Variants in TPRG1L observed in about 807,000 individuals in gnomAD.
TPRG1L encodes tumor protein p63 regulated 1 like, also known as tumor protein p63-regulated gene 1-like protein.
In TPRG1L, 25 loss-of-function variants were observed where a neutral mutation model predicts 29.4. The ratio of observed to expected loss-of-function variants is 0.85; its 90% CI spans 0.62 to 1.19. TPRG1L has a LOEUF of 1.19. TPRG1L is among the 50% of genes most tolerant of loss of function. TPRG1L has a pLI of 0.00. For synonymous variants in TPRG1L, 182 were observed against 151.1 expected, an observed-to-expected ratio of 1.20 and a Z score of -1.50; for missense variants, 354 against 364.4, an observed-to-expected ratio of 0.97 and a Z score of 0.23.
chr1:3,628,056 C>T (rs72855483), intron 4 of TPRG1L, among the ~76,000 whole-genome samples: 11,335 of 152,258 alleles, frequency 0.074, 1,411 homozygotes, highest in African/African-American at 0.25. Context: ...AGCCCAGAGC[C>T]TGGCGGGGGT....
At position 3,625,272 on chromosome 1, in the gene TPRG1L, G is replaced by A; in HGVS notation, c.200G>A (p.Arg67Gln). Residue 67 changes from arginine to glutamine, a missense_variant and splice_region_variant, in exon 1 of 5, where the codon CGG becomes CAG. Transcript: ENST00000378344. Reference sequence around the variant, plus strand: ...CGCGTCAAGGAGTACTTCGTGTTCCGGGTGAGGCAGGGGCCAGGGCCGGGG... The same window carrying A: ...CGCGTCAAGGAGTACTTCGTGTTCCAGGTGAGGCAGGGGCCAGGGCCGGGG... ...RARVKEYFVF[R>Q]PGSIEQAVEE... 7.2e-7 allele frequency: 1 copy of A among 1,395,912 alleles called. No homozygotes were observed. Among genetic ancestry groups the A allele is most frequent in the Non-Finnish European group, 9.2e-7 (1 of 1,083,764 alleles). 86.5% of individuals were successfully genotyped at this position (1,395,912 alleles called of 1,614,324 possible).
chr1:3,628,308 A>G lies in TPRG1L; in HGVS notation c.625-101A>G, dbSNP rs1036184865. On this transcript the variant is annotated intron_variant, in intron 4 of 4. Transcript: ENST00000378344. The stretch of plus-strand genomic sequence containing the variant: ...GTGAAGGGACGAAGAGATAGGCGGC[A>G]TTTGGAGGGATTTAAGTGTCTCAGA... 9 of 1,046,688 alleles carry G rather than the reference A, an allele frequency of 8.6e-6. No homozygotes were observed. In the East Asian group the frequency reaches 2.0e-4, roughly 23 times the overall value. The allele number at this position is 1,046,688 out of a possible 1,614,324, so 64.8% of individuals were successfully genotyped here.
In TPRG1L at chr1:3,625,070, G is replaced by T; in HGVS notation, c.-3G>T. 1 of 1,209,600 alleles carries T rather than the reference G, an allele frequency of 8.3e-7. No individual in the cohort carries two copies. The allele number at this position is 1,209,600 out of a possible 1,614,324, so 74.9% of individuals were successfully genotyped here. ...AGGGTCGGGGTCGGTAAGGGGTGCG[G>T]CAATGCTGCAACTGCGGGACTCGGT... On this transcript the variant is annotated 5_prime_UTR_variant, in exon 1 of 5. Transcript: ENST00000378344.
At chr1:3,628,304 C>G (rs16823926) in intron 4 of TPRG1L, 105 bp from the exon 5 acceptor site, 1 of 978,892 alleles carries the variant, frequency 1.0e-6, no homozygotes, top group African/African-American at 1.6e-5. Flanking sequence ...AAGAGATAGG[C>G]GGCATTTGGA....
chr1:3,625,709 A>T lies in TPRG1L; in HGVS notation c.294-4A>T, dbSNP rs1193804276. The stretch of plus-strand genomic sequence containing the variant: ...GTGGACTGAGGCCCCTCCTCTGCCT[A>T]CAGGGTGGATCACTGGAACAATGAG... On this transcript the variant is annotated splice_polypyrimidine_tract_variant and splice_region_variant and intron_variant, in intron 2 of 4. Coordinates refer to ENST00000378344, the MANE Select transcript of TPRG1L (RefSeq NM_182752.4). The T allele has an allele frequency of 1.2e-6, 2 of 1,610,704 alleles. No homozygotes were observed. The highest frequency in any genetic ancestry group is 8.5e-7 in the Non-Finnish European group (1 of 1,178,356).
rs1644506073 is a variant in TPRG1L, at chr1:3,628,702, C to T, written c.*99C>T. The T allele has an allele frequency of 3.4e-6, 4 of 1,162,686 alleles. No individual in the cohort carries two copies. The highest frequency in any genetic ancestry group is 4.8e-6 in the Non-Finnish European group (4 of 826,366). The allele number at this position is 1,162,686 out of a possible 1,614,324, so 72.0% of individuals were successfully genotyped here. A position where few individuals can be genotyped will look rare whatever the true frequency, so the allele number is the denominator to read the frequency against. On this transcript the variant is annotated 3_prime_UTR_variant, in exon 5 of 5. Transcript: ENST00000378344. ...CTGGGGGACTGGGAGGCCTGGCAGT[C>T]TTCATGCTGCCCTGCTGCTGCTGGA...
At chr1:3,627,956 G>C (rs1644501148) in intron 4 of TPRG1L, among the ~76,000 whole-genome samples, 1 of 152,246 alleles carries the variant, frequency 6.6e-6, no homozygotes, top group Non-Finnish European at 1.5e-5. Context: ...GGGCTTCAGA[G>C]AGTGGCAGCA....
chr1:3,625,344 G>T (rs1644476008), intron 1 of TPRG1L, 71 bp downstream of exon 1: 2 of 1,533,462 alleles, frequency 1.3e-6, no homozygotes, highest in Admixed American at 4.0e-5. Context: ...GGGGTCGGAG[G>T]CGGGCGCCGG....
rs1341046694 is a variant in TPRG1L, at chr1:3,628,802, A to G, written c.*199A>G. 2.0e-6 allele frequency: 1 copy of G among 506,514 alleles called. No individual in the cohort carries two copies. Among genetic ancestry groups the G allele is most frequent in the African/African-American group, 1.9e-5 (1 of 52,342 alleles). 31.4% of individuals were successfully genotyped at this position (506,514 alleles called of 1,614,324 possible). A position where few individuals can be genotyped will look rare whatever the true frequency, so the allele number is the denominator to read the frequency against. ...AAGTGAATTCTATCTATTTAATTGGATATTGGACTCTGCTCATATAAGCTA... is the reference window on the plus strand; with the variant it reads ...AAGTGAATTCTATCTATTTAATTGGGTATTGGACTCTGCTCATATAAGCTA... On this transcript the variant is annotated 3_prime_UTR_variant, in exon 5 of 5. Coordinates refer to ENST00000378344, the MANE Select transcript of TPRG1L (RefSeq NM_182752.4).
At chr1:3,626,729 C>T (rs867289892) in intron 3 of TPRG1L, among the ~76,000 whole-genome samples, 1 of 151,900 alleles carries the variant, frequency 6.6e-6, no homozygotes, top group Non-Finnish European at 1.5e-5. Context: ...CAGGTGCCCG[C>T]CACCACACCC....
chr1:3,629,840 G>A lies in TPRG1L; in HGVS notation c.*1237G>A, dbSNP rs1251990861. ...TGCCCGGGCTTCGATGTGCCTGGAG[G>A]ATTTCCCCACAGGGACCCACGCACC... is the stretch of plus-strand genomic sequence containing the variant. On this transcript the variant is annotated 3_prime_UTR_variant, in exon 5 of 5. Transcript: ENST00000378344. 1 of 152,308 alleles carries A rather than the reference G, an allele frequency of 6.6e-6. No homozygotes were observed. The highest frequency in any genetic ancestry group is 1.5e-5 in the Non-Finnish European group (1 of 68,090). The allele number at this position is 152,308 out of a possible 1,614,324, so 9.4% of individuals were successfully genotyped here.
rs777841033 is a variant in TPRG1L at position 3,625,902 on chromosome 1, A to G, written c.470+13A>G. The stretch of plus-strand genomic sequence containing the variant: ...AATCGCTCAACAAGTAAGCCTGTTC[A>G]GAGTCCAGTATCACTGGACCTAAGC... On this transcript the variant is annotated intron_variant, in intron 3 of 4. Coordinates refer to ENST00000378344, the MANE Select transcript of TPRG1L (RefSeq NM_182752.4). The G allele has an allele frequency of 2.5e-6, 4 of 1,605,056 alleles. No homozygotes were observed. Among genetic ancestry groups the G allele is most frequent in the Middle Eastern group, 4.5e-4 (2 of 4,476 alleles).
chr1:3,627,044 C>T (rs1407648955), intron 3 of TPRG1L, among the ~76,000 whole-genome samples: 1 of 152,196 alleles, frequency 6.6e-6, no homozygotes, highest in African/African-American at 2.4e-5. Context: ...GGCACGGTGG[C>T]TCACGCCTGT....
At position 3,625,732 on chromosome 1, in the gene TPRG1L, G is replaced by A; in HGVS notation, c.313G>A (p.Glu105Lys). 1.2e-6 allele frequency: 2 copies of A among 1,613,186 alleles called. No individual in the cohort carries two copies. Among genetic ancestry groups the A allele is most frequent in the Non-Finnish European group, 1.7e-6 (2 of 1,179,678 alleles). ...CTACAGGGTGGATCACTGGAACAAT[G>A]AGAAGGAGCGGCTGGTGCTGGTCAC... The part of the protein sequence containing the change: ...LLTEVDHWNN[E>K]KERLVLVTEQ... Residue 105 changes from glutamate (E) to lysine (K), a missense_variant, in exon 3 of 5, where the codon GAG (glutamate) becomes AAG (lysine). Glu to Lys is a moderately conservative substitution (Grantham distance 56). Transcript: ENST00000378344.
In TPRG1L at chr1:3,628,841, A is replaced by G. The variant is rs1644506668; in HGVS notation, c.*238A>G. ...TCATATAAGCTACAGACAAAAGCCA[A>G]AAGACTCTCGCTGTCCCTGTGCTGC... On this transcript the variant is annotated 3_prime_UTR_variant, in exon 5 of 5. Transcript: ENST00000378344. 3 of 413,624 alleles carry G rather than the reference A, an allele frequency of 7.3e-6. No homozygotes were observed. Among genetic ancestry groups the G allele is most frequent in the Non-Finnish European group, 8.7e-6 (2 of 230,876 alleles). 25.6% of individuals were successfully genotyped at this position (413,624 alleles called of 1,614,324 possible).
rs560896343 is a variant in TPRG1L, at chr1:3,626,347, C to T, written c.470+458C>T. Among the ~76,000 whole-genome samples, 13 of 152,226 alleles carry T rather than the reference C, an allele frequency of 8.5e-5. No homozygotes were observed. The East Asian group carries it at 1.7e-3, about 20-fold the overall frequency. ...AGACAAATTTGGAAATATTTAATGA[C>T]CAGCTTTCAGGAGTTGATCTTTTTG... On this transcript the variant is annotated intron_variant, in intron 3 of 4. Coordinates refer to ENST00000378344, the MANE Select transcript of TPRG1L (RefSeq NM_182752.4).
chr1:3,628,598 T>G lies in TPRG1L; in HGVS notation c.814T>G (p.Phe272Val). 1 of 1,596,486 alleles carries G rather than the reference T, an allele frequency of 6.3e-7. No homozygotes were observed. Among genetic ancestry groups the G allele is most frequent in the East Asian group, 2.3e-5 (1 of 44,364 alleles). ...CTCCATGACCAGGGGCAAAATAGGC[T>G]TTTAGCCGCTGCGTTCTGGGAGCTC... ...GYSMTRGKIG[F>V] is the part of the protein sequence containing the mutation. The change falls in exon 5 of 5, where the codon TTT (phenylalanine) becomes GTT (valine). Residue 272 changes from phenylalanine to valine, a missense_variant. Physicochemically the swap from Phe to Val is conservative, Grantham distance 50. Coordinates refer to ENST00000378344, the MANE Select transcript of TPRG1L (RefSeq NM_182752.4).
At chr1:3,626,128 C>T (rs1280772475) in intron 3 of TPRG1L, among the ~76,000 whole-genome samples, 1 of 152,220 alleles carries the variant, frequency 6.6e-6, no homozygotes, top group Non-Finnish European at 1.5e-5. Flanking sequence ...AGTAAAAAGA[C>T]TTACATGAGT....
rs753099186 is a variant in TPRG1L at position 3,628,473 on chromosome 1, C to G, written c.689C>G (p.Pro230Arg). ...AAAGCCCAAAAAGAAAGCCCTTTGCCAGGACAGGCGAATGGCGTGCTGATC... is the reference window on the plus strand; with the variant it reads ...AAAGCCCAAAAAGAAAGCCCTTTGCGAGGACAGGCGAATGGCGTGCTGATC... ...VKKAQKESPL[P>R]GQANGVLILE... The change falls in exon 5 of 5, where the codon CCA (proline) becomes CGA (arginine). Residue 230 changes from proline to arginine, a missense_variant. Transcript: ENST00000378344. 3 of 1,613,986 alleles carry G rather than the reference C, an allele frequency of 1.9e-6. No individual in the cohort carries two copies. Among genetic ancestry groups the G allele is most frequent in the South Asian group, 2.2e-5 (2 of 91,086 alleles).
Sources: gnomAD v4.1 joint callset for allele counts (sites outside exome capture counted in the v4.1 genomes callset) on GRCh38, gnomAD v4.1.1 for gene constraint, MANE v1.5 for transcripts, NCBI Gene and HGNC (gene_info 2026-07-23, HGNC 2026-07-21) for gene names.